POLA1: variants seen among roughly 807,000 people sequenced by gnomAD.
POLA1 encodes DNA polymerase alpha 1, catalytic subunit.
POLA1 carries 15 observed loss-of-function variants against 124.0 expected under a neutral mutation model. The ratio of observed to expected loss-of-function variants is 0.12; its 90% CI spans 0.08 to 0.19. The LOEUF (loss-of-function observed/expected upper bound fraction) is 0.19, where lower values mean the gene tolerates loss of function less well. POLA1 is among the 10% of genes least tolerant of loss of function. POLA1 has a pLI of 1.00. For missense variants in POLA1, 886 were observed against 1,103.4 expected (o/e 0.80, Z 2.79); for synonymous variants, 408 against 389.4 (o/e 1.05, Z -0.56).
At chrX:24,976,990 T>C (rs1336087247) in intron 36 of POLA1, among the ~76,000 whole-genome samples, 1 of 112,502 alleles carries the variant, frequency 8.9e-6, no homozygotes, top group Non-Finnish European at 1.9e-5. Context: ...CAATTCTTCC[T>C]CTGCTTTTCT....
chrX:24,962,582 G>A (rs1007024879), intron 36 of POLA1, among the ~76,000 whole-genome samples: 1 of 111,727 alleles, frequency 9.0e-6, no homozygotes, highest in African/African-American at 3.2e-5. Context: ...CTCTGAGGTT[G>A]GTACTATAAT....
chrX:24,920,492 A>G (rs1025283078), intron 35 of POLA1, among the ~76,000 whole-genome samples: 1 of 111,850 alleles, frequency 8.9e-6, no homozygotes, highest in African/African-American at 3.3e-5. Context: ...CAAAGCAAGT[A>G]TGTCAGATTG....
intron 35 of POLA1, among the ~76,000 whole-genome samples, chrX:24,904,982 C>T (rs1224708868): frequency 4.7e-5 from 5 of 105,423 alleles, no homozygotes; most frequent in Admixed American, 3.0e-4. Flanking sequence ...CGAGATCGTG[C>T]CACTGCACTC....
At chrX:24,732,170 G>T (rs772576328) in intron 15 of POLA1, among the ~76,000 whole-genome samples, 200 bp from the exon 16 acceptor site, 3 of 111,353 alleles carry the variant, frequency 2.7e-5, no homozygotes, top group South Asian at 7.7e-4. Flanking sequence ...GGCCAGGCTC[G>T]TCTCGAACTC....
At chrX:24,993,704 G>A (rs2048563037) in intron 36 of POLA1, among the ~76,000 whole-genome samples, 1 of 111,966 alleles carries the variant, frequency 8.9e-6, no homozygotes, top group African/African-American at 3.3e-5. Flanking sequence ...GCCTGTGACA[G>A]CTAGTCCAGT....
intron 32 of POLA1, 82 bp downstream of exon 32, chrX:24,826,683 A>G (rs1330718642): frequency 2.6e-5 from 16 of 613,139 alleles, no homozygotes; most frequent in Non-Finnish European, 4.1e-5. Flanking sequence ...ATCTCTGCTT[A>G]TGGGCATGGT....
chrX:24,958,135 T>C (rs1400933458), intron 36 of POLA1, among the ~76,000 whole-genome samples: 1 of 111,479 alleles, frequency 9.0e-6, no homozygotes, highest in Non-Finnish European at 1.9e-5. Context: ...GGGAAAAGAA[T>C]GAGTGGAGGA....
chrX:24,917,995 G>A (rs1266768286), intron 35 of POLA1, among the ~76,000 whole-genome samples: 10 of 111,075 alleles, frequency 9.0e-5, no homozygotes, highest in Non-Finnish European at 1.7e-4. Flanking sequence ...AAGTGACTTG[G>A]TAGAACCAGA....
chrX:24,974,822 CA>C (rs2048347163), intron 36 of POLA1, among the ~76,000 whole-genome samples: 1 of 111,082 alleles, frequency 9.0e-6, no homozygotes, highest in African/African-American at 3.3e-5. Flanking sequence ...AAAAAGAAAA[CA>C]AAGAAACCCT....
Position 24,725,991 on chromosome X carries a change from A to T in POLA1, c.1328A>T (p.Lys443Met). Residue 443 changes from lysine (K) to methionine (M), a missense_variant, in exon 13 of 37, where the codon AAG becomes ATG. By Grantham distance (95) the Lys-to-Met change is moderately conservative. This residue lies in a region of POLA1 where 337 missense variants were observed against 402.8 expected (regional missense o/e 0.84). Coordinates refer to ENST00000379068, the MANE Select transcript of POLA1 (RefSeq NM_001330360.2). Reference protein sequence around the residue: ...IMKFKSKPVEKNYAFEIPDVP... With the variant: ...IMKFKSKPVEMNYAFEIPDVP... The stretch of plus-strand genomic sequence containing the variant: ...TATCTACTTACCCAGCCAGTGGAAA[A>T]GAACTATGCTTTTGAGATACCTGAT... 1 of 1,179,756 alleles carries T rather than the reference A, an allele frequency of 8.5e-7. No individual in the cohort carries two copies. Among genetic ancestry groups the T allele is most frequent in the South Asian group, 1.8e-5 (1 of 54,421 alleles).
At chrX:24,867,298 TTGTTTC>T (rs771668549) in intron 34 of POLA1, among the ~76,000 whole-genome samples, 8 of 111,602 alleles carry the variant, frequency 7.2e-5, no homozygotes, top group Non-Finnish European at 1.3e-4. Flanking sequence ...GTTATATTCT[TTGTTTC>T]TATTTATTTT....
At chrX:24,992,181 C>T (rs1048343760) in intron 36 of POLA1, among the ~76,000 whole-genome samples, 9 of 111,402 alleles carry the variant, frequency 8.1e-5, no homozygotes, top group African/African-American at 2.6e-4. Flanking sequence ...TCCAGCAGCT[C>T]TCTGTAGGTC....
intron 16 of POLA1, among the ~76,000 whole-genome samples, chrX:24,732,974 T>C (rs1363639008): frequency 2.7e-5 from 3 of 112,146 alleles, no homozygotes; most frequent in Non-Finnish European, 5.6e-5. Context: ...TATGAGTCAG[T>C]CTCCAAGGAG....
chrX:24,917,742 A>G (rs904905320), intron 35 of POLA1, among the ~76,000 whole-genome samples: 2 of 111,865 alleles, frequency 1.8e-5, no homozygotes, highest in African/African-American at 3.2e-5. Flanking sequence ...CTGTATGAAT[A>G]TATTTCATTG....
In POLA1 at chrX:24,964,971, A is replaced by G. The variant is rs2048206554; in HGVS notation, c.4262-30834A>G. Among the ~76,000 whole-genome samples the G allele has an allele frequency of 4.5e-5, 5 of 112,147 alleles. No individual in the cohort carries two copies. In the Admixed American group the frequency reaches 4.7e-4, roughly 11 times the overall value. ...TGCTGGTAAGCTATCTATACCATAT[A>G]TCTATAGTTTAAAAAATCAATAAGG... On this transcript the variant is annotated intron_variant, in intron 36 of 36. Transcript: ENST00000379068.
intron 35 of POLA1, among the ~76,000 whole-genome samples, chrX:24,913,253 G>T (rs2047476748): frequency 8.9e-6 from 1 of 111,958 alleles, no homozygotes; most frequent in Admixed American, 9.5e-5. Flanking sequence ...GGTACATTCT[G>T]TATGATTCCA....
chrX:24,890,234 C>T (rs926118624), intron 35 of POLA1, among the ~76,000 whole-genome samples: 4 of 110,043 alleles, frequency 3.6e-5, no homozygotes, highest in African/African-American at 6.6e-5. Context: ...ACTACAGGCG[C>T]GTGCCACCAT....
At chrX:24,918,754 C>T (rs1036818539) in intron 35 of POLA1, among the ~76,000 whole-genome samples, 4 of 111,343 alleles carry the variant, frequency 3.6e-5, no homozygotes, top group African/African-American at 1.3e-4. Flanking sequence ...ATGAGGGCCT[C>T]GGGCTGCTTC....
At chrX:24,880,188 T>C (rs1162176819) in intron 34 of POLA1, among the ~76,000 whole-genome samples, 1 of 111,850 alleles carries the variant, frequency 8.9e-6, no homozygotes, top group Non-Finnish European at 1.9e-5. Flanking sequence ...AGTTTGGGAG[T>C]GCTCCATTAT....
Sources: allele counts gnomAD v4.1 joint callset (sites outside exome capture counted in the v4.1 genomes callset), GRCh38; gene constraint gnomAD v4.1.1; regional missense constraint gnomAD v4.1.1; transcripts MANE v1.5; gene names NCBI Gene and HGNC (gene_info 2026-07-23, HGNC 2026-07-21).